LMO7: variants seen among roughly 807,000 people sequenced by gnomAD.
LMO7 encodes the protein LIM domain 7.
Under a neutral mutation model 206.5 loss-of-function variants are expected in LMO7, and 120 were observed. That is an observed-to-expected ratio of 0.58 (90% confidence interval 0.50 to 0.68). LMO7 has a LOEUF of 0.68. Ranked by LOEUF, LMO7 falls within the 30% of genes least tolerant of loss-of-function variation. LMO7 has a pLI of 0.00. For synonymous variants in LMO7, 706 were observed against 681.5 expected (o/e 1.04, Z -0.56); for missense variants, 1,959 against 1,957.9 (o/e 1.00, Z -0.01).
At chr13:75,799,606 T>G (rs897497959) in intron 6 of LMO7, among the ~76,000 whole-genome samples, 1 of 152,218 alleles carries the variant, frequency 6.6e-6, no homozygotes, top group Non-Finnish European at 1.5e-5. Flanking sequence ...TTCACAGCAC[T>G]TTTTATTTTG....
chr13:75,732,742 A>T (rs1337678831), intron 3 of LMO7, among the ~76,000 whole-genome samples: 1 of 151,702 alleles, frequency 6.6e-6, no homozygotes, highest in Non-Finnish European at 1.5e-5. Flanking sequence ...TTTTTTCCCC[A>T]TCTTTGTGGT....
chr13:75,719,260 G>A (rs910537060), intron 2 of LMO7, among the ~76,000 whole-genome samples: 2 of 114,606 alleles, frequency 1.7e-5, no homozygotes, highest in Non-Finnish European at 3.6e-5. Flanking sequence ...GATTATAGGC[G>A]TGAGCCACTG....
At chr13:75,652,037 C>T (rs895704707) in intron 1 of LMO7, among the ~76,000 whole-genome samples, 2 of 152,156 alleles carry the variant, frequency 1.3e-5, no homozygotes, top group Non-Finnish European at 2.9e-5. Flanking sequence ...TCAATTGTAT[C>T]TGCCACATTT....
chr13:75,737,755 AAAAAAAAAAAATAAAATAAAATAAAAT>A, intron 3 of LMO7, among the ~76,000 whole-genome samples: 2 of 42,938 alleles, frequency 4.7e-5, no homozygotes, highest in Admixed American at 4.7e-4. Flanking sequence ...TCCGTCTCAA[AAAAAAAAAAAATAAAATAAAATAAAAT>A]AAAAAAAAAA....
intron 3 of LMO7, among the ~76,000 whole-genome samples, chr13:75,730,304 G>C (rs2045014422): frequency 6.6e-6 from 1 of 152,232 alleles, no homozygotes; most frequent in African/African-American, 2.4e-5. Flanking sequence ...CACAACTTCA[G>C]ATCCTGTTAT....
chr13:75,725,798 A>T (rs1054283959), intron 2 of LMO7, among the ~76,000 whole-genome samples: 1 of 152,104 alleles, frequency 6.6e-6, no homozygotes, highest in African/African-American at 2.4e-5. Flanking sequence ...AGAAACCATG[A>T]AAACAGGAAA....
At position 75,834,386 on chromosome 13, in the gene LMO7, T is replaced by A. The variant is rs2058943803; in HGVS notation, c.3225T>A (p.Ala1075=). Residue 1075 remains alanine, a splice_region_variant and synonymous_variant, in exon 17 of 31, where the codon GCT becomes GCA. Coordinates refer to ENST00000377534, the MANE Select transcript of LMO7 (RefSeq NM_001306080.2). The part of the protein sequence containing the change: ...LVMDVRRYGK[A]GSPETKWIDA... ...TGGATGTGAGGCGCTATGGAAAGGC[T>A]GGTGAGTTTGTGTTACCACCATGTC... 1 of 1,589,902 alleles carries A rather than the reference T, an allele frequency of 6.3e-7. No individual in the cohort carries two copies. The highest frequency in any genetic ancestry group is 8.6e-7 in the Non-Finnish European group (1 of 1,168,920).
At chr13:75,800,002 T>A (rs1210307564) in intron 6 of LMO7, among the ~76,000 whole-genome samples, 1 of 152,204 alleles carries the variant, frequency 6.6e-6, no homozygotes, top group Non-Finnish European at 1.5e-5. Context: ...TTTATTTAGG[T>A]CCATAGAAAA....
At chr13:75,635,247 C>A (rs2035629533), upstream of LMO7, among the ~76,000 whole-genome samples, 1 of 152,110 alleles carries the variant, frequency 6.6e-6, no homozygotes, top group Admixed American at 6.5e-5. Flanking sequence ...TTCGTTTCAG[C>A]AGAGTAAGAA....
chr13:75,845,037 C>G (rs2059878770), intron 25 of LMO7, among the ~76,000 whole-genome samples: 1 of 152,126 alleles, frequency 6.6e-6, no homozygotes, highest in African/African-American at 2.4e-5. Context: ...TGAACATCGA[C>G]AACAATTGAT....
chr13:75,835,457 ATGAT>A (rs2059039967), intron 18 of LMO7, 118 bp downstream of exon 18: 3 of 601,218 alleles, frequency 5.0e-6, no homozygotes, highest in South Asian at 5.7e-5. Flanking sequence ...TAAAATGTAA[ATGAT>A]TGAATAATGT....
rs1422786133 is a variant in LMO7, at chr13:75,817,265, A to C, written c.2051A>C (p.Gln684Pro). Residue 684 changes from glutamine to proline, a missense_variant, in exon 12 of 31, where the codon CAG becomes CCG. Physicochemically the swap from Gln to Pro is moderately conservative, Grantham distance 76 (BLOSUM62 -1). Coordinates refer to ENST00000377534, the MANE Select transcript of LMO7 (RefSeq NM_001306080.2). ...KIKSQLKEQDQKWQDDLAKWK... is the reference protein window; with the variant it reads ...KIKSQLKEQDPKWQDDLAKWK... ...AAATCACAATTAAAAGAACAAGATC[A>C]GAAATGGCAGGATGTGAGTATTTTG... 1 of 1,606,066 alleles carries C rather than the reference A, an allele frequency of 6.2e-7. No homozygotes were observed. The highest frequency in any genetic ancestry group is 8.5e-7 in the Non-Finnish European group (1 of 1,173,480).
intron 3 of LMO7, among the ~76,000 whole-genome samples, chr13:75,738,192 A>C (rs1324702640): frequency 6.6e-6 from 1 of 152,198 alleles, no homozygotes; most frequent in Non-Finnish European, 1.5e-5. Context: ...GTAAGGGTTT[A>C]AGCTGAGTTG....
Position 75,823,705 on chromosome 13 carries a change from A to G in LMO7, c.2781A>G (p.Thr927=). ...SLSSQKEVAA[T]EEDVTRLPSP... ...CTAGCCAGAAAGAGGTAGCAGCAACAGAAGAAGATGTGACAAGGCTGCCCT... is the reference window on the plus strand; with the variant it reads ...CTAGCCAGAAAGAGGTAGCAGCAACGGAAGAAGATGTGACAAGGCTGCCCT... The change falls in exon 15 of 31, where the codon ACA becomes ACG. Residue 927 remains threonine, a synonymous_variant. Coordinates refer to ENST00000377534, the MANE Select transcript of LMO7 (RefSeq NM_001306080.2). 1.2e-6 allele frequency: 2 copies of G among 1,613,418 alleles called. No individual in the cohort carries two copies. Among genetic ancestry groups the G allele is most frequent in the Non-Finnish European group, 1.7e-6 (2 of 1,179,996 alleles).
chr13:75,620,974 A>G (rs2033284325), exon 1 of LMO7: 2 of 152,188 alleles, frequency 1.3e-5, no homozygotes, highest in African/African-American at 4.8e-5. Context: ...TCATTGCTTC[A>G]TGGGTAGAGC....
At chr13:75,856,898 T>G (rs2061007996) in intron 30 of LMO7, 1 of 217,434 alleles carries the variant, frequency 4.6e-6, no homozygotes, top group African/African-American at 2.3e-5. Context: ...AGACCTTTAA[T>G]GACTCAAGAA....
intron 4 of LMO7, among the ~76,000 whole-genome samples, chr13:75,782,268 G>T (rs1031109073): frequency 6.6e-6 from 1 of 152,174 alleles, no homozygotes; most frequent in African/African-American, 2.4e-5. Flanking sequence ...TGTAGATGAG[G>T]ATTAAAAGGG....
Position 75,816,990 on chromosome 13 carries a change from T to C in LMO7, c.1947-171T>C, listed in dbSNP as rs2057074694. ...ATTCACACTCGAGTGCTCTTGTTTC[T>C]GAGTTTTGGAAAAACACCATTTATC... On this transcript the variant is annotated intron_variant, in intron 11 of 30. Coordinates refer to ENST00000377534, the MANE Select transcript of LMO7 (RefSeq NM_001306080.2). 3 of 469,936 alleles carry C rather than the reference T, an allele frequency of 6.4e-6. No individual in the cohort carries two copies. In the South Asian group the frequency reaches 1.2e-4, roughly 19 times the overall value. 29.1% of individuals were successfully genotyped at this position (469,936 alleles called of 1,614,324 possible).
chr13:75,722,549 T>A (rs1375852188), intron 2 of LMO7, among the ~76,000 whole-genome samples: 2 of 151,622 alleles, frequency 1.3e-5, no homozygotes, highest in Non-Finnish European at 2.9e-5. Context: ...AAAAAAATAG[T>A]TGTTGGTGTG....
Sources: allele counts gnomAD v4.1 joint callset (sites outside exome capture counted in the v4.1 genomes callset), GRCh38; gene constraint gnomAD v4.1.1; transcripts MANE v1.5; gene names NCBI Gene and HGNC (gene_info 2026-07-23, HGNC 2026-07-21).